The following RBFOX3 variants were observed in gnomAD, a reference collection of about 807,000 sequenced individuals.
The protein encoded by RBFOX3 is RNA binding fox-1 homolog 3, also known as RNA binding protein fox-1 homolog 3.
Under a neutral mutation model 48.7 loss-of-function variants are expected in RBFOX3, and 17 were observed. The observed-to-expected ratio is 0.35, with a 90% CI of 0.24 to 0.52. The LOEUF (loss-of-function observed/expected upper bound fraction) is 0.52. Among genes scored for constraint, RBFOX3 ranks in the 20% least tolerant of loss-of-function variants. The pLI is 0.94. For synonymous variants in RBFOX3, 212 were observed against 209.5 expected, an observed-to-expected ratio of 1.01 and a Z score of -0.10; for missense variants, 382 against 497.5, an observed-to-expected ratio of 0.77 and a Z score of 2.21.
intron 3 of RBFOX3, among the ~76,000 whole-genome samples, chr17:79,239,251 C>T (rs984052221): frequency 3.9e-5 from 6 of 152,200 alleles, no homozygotes; most frequent in Admixed American, 1.3e-4. Context: ...AGAGAGGCCC[C>T]CCAGGTTCAT....
At chr17:79,512,495 C>T (rs1367804220) in intron 1 of RBFOX3, among the ~76,000 whole-genome samples, 2 of 146,082 alleles carry the variant, frequency 1.4e-5, no homozygotes, top group Non-Finnish European at 3.0e-5. Flanking sequence ...CCATCGAGTA[C>T]AGCCCCATGG....
At chr17:79,448,537 T>G (rs1373559231) in intron 2 of RBFOX3, among the ~76,000 whole-genome samples, 1 of 152,124 alleles carries the variant, frequency 6.6e-6, no homozygotes, top group African/African-American at 2.4e-5. Flanking sequence ...AAGGAACACC[T>G]GGGGCCGAGA....
intron 2 of RBFOX3, among the ~76,000 whole-genome samples, chr17:79,348,425 C>T (rs2083270311): frequency 6.6e-6 from 1 of 152,110 alleles, no homozygotes; most frequent in African/African-American, 2.4e-5. Flanking sequence ...AGCCATAGCC[C>T]CATGCACAAT....
intron 2 of RBFOX3, among the ~76,000 whole-genome samples, chr17:79,400,311 T>C (rs994056855): frequency 1.3e-5 from 2 of 152,096 alleles, no homozygotes; most frequent in African/African-American, 4.8e-5. Flanking sequence ...TCTTAGCCTC[T>C]GGAGCCACCC....
chr17:79,509,079 G>A lies in RBFOX3; in HGVS notation c.-319-26481C>T, dbSNP rs1598988633. 2.0e-5 allele frequency among the ~76,000 whole-genome samples: 3 copies of A among 152,224 alleles called. No homozygotes were observed. In the East Asian group the frequency reaches 5.8e-4, roughly 30 times the overall value. On this transcript the variant is annotated intron_variant, in intron 1 of 14. Coordinates refer to ENST00000693108, the MANE Select transcript of RBFOX3 (RefSeq NM_001350451.2). Reference sequence around the variant, plus strand: ...AGGCAGACACTAGTATTGTAACAGCGTTCCAGCTGGTTCTTTGGCCGGTCT... The same window carrying A: ...AGGCAGACACTAGTATTGTAACAGCATTCCAGCTGGTTCTTTGGCCGGTCT...
intron 4 of RBFOX3, among the ~76,000 whole-genome samples, chr17:79,143,900 C>G (rs1184257787): frequency 6.6e-6 from 1 of 152,244 alleles, no homozygotes; most frequent in Admixed American, 6.5e-5. Flanking sequence ...GTGCTCTTCA[C>G]GGCCACCCCT....
Position 79,536,694 on chromosome 17 carries a change from C to T in RBFOX3, c.-319-54096G>A, listed in dbSNP as rs368731639. On this transcript the variant is annotated intron_variant, in intron 1 of 14. Coordinates refer to ENST00000693108, the MANE Select transcript of RBFOX3 (RefSeq NM_001350451.2). ...TTTGCAGAGTCCCACACTGTATCATCCGTCCTCTAACAGAGGCAGGACAGT... is the reference window on the plus strand; with the variant it reads ...TTTGCAGAGTCCCACACTGTATCATTCGTCCTCTAACAGAGGCAGGACAGT... Among the ~76,000 whole-genome samples the T allele has an allele frequency of 3.4e-4, 52 of 152,388 alleles. No homozygotes were observed. The South Asian group carries it at 6.4e-3, about 19-fold the overall frequency.
At chr17:79,118,605 T>A (rs2034772830) in intron 4 of RBFOX3, among the ~76,000 whole-genome samples, 1 of 151,902 alleles carries the variant, frequency 6.6e-6, no homozygotes, top group Non-Finnish European at 1.5e-5. Context: ...TGATAAATAT[T>A]TGATTAGAGC....
chr17:79,232,844 A>C (rs772788140), intron 4 of RBFOX3, among the ~76,000 whole-genome samples: 2 of 152,238 alleles, frequency 1.3e-5, no homozygotes, highest in Non-Finnish European at 2.9e-5. Context: ...CAAATGGCTA[A>C]AGTTATGAAG....
intron 1 of RBFOX3, among the ~76,000 whole-genome samples, chr17:79,537,298 G>A (rs2088970106): frequency 6.6e-6 from 1 of 152,086 alleles, no homozygotes; most frequent in Non-Finnish European, 1.5e-5. Flanking sequence ...ATCACTCCTG[G>A]CTCTGCCTCC....
intron 1 of RBFOX3, among the ~76,000 whole-genome samples, chr17:79,537,079 G>A (rs1420404767): frequency 2.7e-5 from 4 of 149,660 alleles, no homozygotes; most frequent in Admixed American, 6.7e-5. Flanking sequence ...ATGAGACTCC[G>A]TCTCAAACAA....
chr17:79,455,171 T>C (rs2074262210), intron 2 of RBFOX3, among the ~76,000 whole-genome samples: 1 of 152,170 alleles, frequency 6.6e-6, no homozygotes, highest in African/African-American at 2.4e-5. Flanking sequence ...TTCTTGTATC[T>C]TAAAAATGAG....
At chr17:79,557,615 G>A (rs1167584059) in intron 1 of RBFOX3, among the ~76,000 whole-genome samples, 4 of 152,220 alleles carry the variant, frequency 2.6e-5, no homozygotes, top group Non-Finnish European at 4.4e-5. Context: ...CCAAATTAGC[G>A]GCTGTTGGTG....
At position 79,587,636 on chromosome 17, in the gene RBFOX3, C is replaced by G. The variant is rs1280613105; in HGVS notation, c.-320+23190G>C. Among the ~76,000 whole-genome samples the G allele has an allele frequency of 1.6e-4, 24 of 152,314 alleles. No individual in the cohort carries two copies. The East Asian group carries it at 3.9e-3, about 24-fold the overall frequency. Reference sequence around the variant, plus strand: ...GTCACTCAGCCAGGCGAGGTCCCCCCACGGAGCAGCAGGCTGGCCAGAAAG... The same window carrying G: ...GTCACTCAGCCAGGCGAGGTCCCCCGACGGAGCAGCAGGCTGGCCAGAAAG... On this transcript the variant is annotated intron_variant, in intron 1 of 14. Coordinates refer to ENST00000693108, the MANE Select transcript of RBFOX3 (RefSeq NM_001350451.2).
chr17:79,155,902 C>T (rs575308261), intron 4 of RBFOX3, among the ~76,000 whole-genome samples: 10 of 152,194 alleles, frequency 6.6e-5, no homozygotes, highest in East Asian at 1.9e-4. Context: ...CCACGGGGCT[C>T]GGGTGTCAGG....
intron 2 of RBFOX3, among the ~76,000 whole-genome samples, chr17:79,429,603 C>A (rs1350793060): frequency 6.6e-5 from 10 of 152,100 alleles, no homozygotes; most frequent in African/African-American, 2.4e-4. Flanking sequence ...CAAGGGGGCA[C>A]CTGGGGAGCC....
At chr17:79,218,240 G>T (rs2059303045) in intron 4 of RBFOX3, among the ~76,000 whole-genome samples, 1 of 152,094 alleles carries the variant, frequency 6.6e-6, no homozygotes. Flanking sequence ...CGGACTTGGG[G>T]GGTGGCAGCG....
At chr17:79,567,429 C>A (rs1028158849) in intron 1 of RBFOX3, among the ~76,000 whole-genome samples, 4 of 152,062 alleles carry the variant, frequency 2.6e-5, no homozygotes, top group African/African-American at 4.8e-5. Context: ...AAGTGATCTG[C>A]CCGCCTTGGC....
intron 2 of RBFOX3, among the ~76,000 whole-genome samples, chr17:79,347,919 G>C (rs1422719431): frequency 1.3e-5 from 2 of 152,140 alleles, no homozygotes; most frequent in Non-Finnish European, 2.9e-5. Context: ...CCCTCCAGTG[G>C]AAGTCTGCTA....
Sources: gnomAD v4.1 joint callset for allele counts (sites outside exome capture counted in the v4.1 genomes callset) on GRCh38, gnomAD v4.1.1 for gene constraint, MANE v1.5 for transcripts, NCBI Gene and HGNC (gene_info 2026-07-23, HGNC 2026-07-21) for gene names.